Variants in THPO observed in about 807,000 individuals in gnomAD.
THPO encodes the protein thrombopoietin, also known as MPL ligand.
In THPO, 12 loss-of-function variants were observed where a neutral mutation model predicts 17.0. The ratio of observed to expected loss-of-function variants is 0.71; its 90% CI spans 0.45 to 1.14. The LOEUF is 1.14. Among genes scored for constraint, THPO ranks in the 50% most tolerant of loss-of-function variants. The pLI is 0.00. For missense variants in THPO, 365 were observed against 427.5 expected, an observed-to-expected ratio of 0.85 and a Z score of 1.29; for synonymous variants, 188 against 183.0, an observed-to-expected ratio of 1.03 and a Z score of -0.22.
At position 184,373,023 on chromosome 3, in the gene THPO, G is replaced by T; in HGVS notation, c.552C>A (p.Ser184Arg). The part of the protein sequence containing the change: ...RRAPPTTAVP[S>R]RTSLVLTLNE... ...TCAGTGTGAGGACTAGAGAGGTTCT[G>T]CTGGGGACAGCTGTGGTGGGTGGGG... Residue 184 changes from serine to arginine, a missense_variant, in exon 6 of 6, where the codon AGC becomes AGA. Ser to Arg is a moderately radical substitution (Grantham distance 110, BLOSUM62 -1). Transcript: ENST00000647395. 6.2e-7 allele frequency: 1 copy of T among 1,614,148 alleles called. No homozygotes were observed. The highest frequency in any genetic ancestry group is 8.5e-7 in the Non-Finnish European group (1 of 1,180,036).
chr3:184,373,322 A>C, intron 5 of THPO, 93 bp downstream of exon 5: 1 of 1,574,048 alleles, frequency 6.4e-7, no homozygotes, highest in Non-Finnish European at 8.7e-7. Context: ...TCTGCCCTTG[A>C]GCTCCCTGGA....
At position 184,372,389 on chromosome 3, in the gene THPO, C is replaced by T; in HGVS notation, c.*124G>A. 8.1e-7 allele frequency: 1 copy of T among 1,230,330 alleles called. No individual in the cohort carries two copies. 76.2% of individuals were successfully genotyped at this position (1,230,330 alleles called of 1,614,324 possible). A position where few individuals can be genotyped will look rare whatever the true frequency, so the allele number is the denominator to read the frequency against. ...ATTCCCTTTTCAGTCCTGTGTATCC[C>T]TTTTACCAGGGCTTTGGGTTTCAGG... On this transcript the variant is annotated 3_prime_UTR_variant, in exon 6 of 6. Coordinates refer to ENST00000647395, the MANE Select transcript of THPO (RefSeq NM_000460.4).
chr3:184,375,676 T>A, intron 3 of THPO, 75 bp from the exon 4 acceptor site: 2 of 1,520,610 alleles, frequency 1.3e-6, no homozygotes, highest in South Asian at 2.2e-5. Context: ...AGCAGGCTAG[T>A]CCTCCATGAG....
intron 1 of THPO, among the ~76,000 whole-genome samples, chr3:184,376,854 A>AAAAAAGAAAG (rs1553862295): frequency 1.3e-5 from 2 of 150,616 alleles, no homozygotes; most frequent in African/African-American, 2.5e-5. Flanking sequence ...TCAAAAAAAA[A>AAAAAAGAAAG]AAAGAAAGAA....
rs779419597 is a variant in THPO at position 184,372,712 on chromosome 3, A to G, written c.863T>C (p.Leu288Pro). The change falls in exon 6 of 6, where the codon CTC (leucine) becomes CCC (proline). Residue 288 changes from leucine to proline, a missense_variant. Coordinates refer to ENST00000647395, the MANE Select transcript of THPO (RefSeq NM_000460.4). The part of the protein sequence containing the change: ...TSDTGSLPPN[L>P]QPGYSPSPTH... The stretch of plus-strand genomic sequence containing the variant: ...TGGGGAAGGAGAATATCCAGGCTGG[A>G]GGTTGGGTGGCAGGGAGCCTGTGTC... The G allele has an allele frequency of 1.9e-6, 3 of 1,613,430 alleles. No homozygotes were observed. Among genetic ancestry groups the G allele is most frequent in the Non-Finnish European group, 2.5e-6 (3 of 1,179,566 alleles).
At chr3:184,374,663 G>C (rs1176630741) in intron 4 of THPO, among the ~76,000 whole-genome samples, 1 of 152,198 alleles carries the variant, frequency 6.6e-6, no homozygotes, top group East Asian at 1.9e-4. Flanking sequence ...GGTAAGTTTG[G>C]GGGCAATTTA....
chr3:184,373,431 C>T lies in THPO; in HGVS notation c.380G>A (p.Ser127Asn), dbSNP rs755952193. The T allele has an allele frequency of 1.2e-5, 19 of 1,613,936 alleles. No individual in the cohort carries two copies. In the East Asian group the frequency reaches 3.3e-4, roughly 28 times the overall value. Residue 127 changes from serine to asparagine, a missense_variant, in exon 5 of 6, where the codon AGC becomes AAC. Transcript: ENST00000647395. ...QVRLLLGALQ[S>N]LLGTQLPPQG... ...GGGACTTACCTGGGTTCCAAGGAGG[C>T]TCTGCAGGGCCCCAAGGAGGAGACG...
intron 1 of THPO, among the ~76,000 whole-genome samples, chr3:184,376,856 AAGAAAG>A (rs780732739): frequency 1.2e-4 from 14 of 121,570 alleles, no homozygotes; most frequent in Middle Eastern, 4.9e-3. Context: ...AAAAAAAAAA[AAGAAAG>A]AAAGAAAGAA....
At chr3:184,378,970 C>T (rs1343427768), upstream of THPO, 9 of 601,824 alleles carry the variant, frequency 1.5e-5, no homozygotes, top group Non-Finnish European at 1.7e-5. Context: ...CCCCCTTTTC[C>T]TTTGGCCCTG....
Position 184,372,707 on chromosome 3 carries a change from G to A in THPO, c.868C>T (p.Pro290Ser). 8 of 1,613,722 alleles carry A rather than the reference G, an allele frequency of 5.0e-6. No homozygotes were observed. The highest frequency in any genetic ancestry group is 6.8e-6 in the Non-Finnish European group (8 of 1,179,672). The change falls in exon 6 of 6, where the codon CCT (proline) becomes TCT (serine). Residue 290 changes from proline (P) to serine (S), a missense_variant. By Grantham distance (74) the Pro-to-Ser change is moderately conservative. Transcript: ENST00000647395. ...DTGSLPPNLQ[P>S]GYSPSPTHPP... ...TGGGTTGGGGAAGGAGAATATCCAG[G>A]CTGGAGGTTGGGTGGCAGGGAGCCT...
Position 184,372,996 on chromosome 3 carries a change from G to A in THPO, c.579C>T (p.Asn193=), listed in dbSNP as rs202166253. The change falls in exon 6 of 6, where the codon AAC becomes AAT. Residue 193 remains asparagine (N), a synonymous_variant. Transcript: ENST00000647395. ...ATCCAGAAGTCCTGTTTGGGAGCTC[G>A]TTCAGTGTGAGGACTAGAGAGGTTC... is the stretch of plus-strand genomic sequence containing the variant. ...PSRTSLVLTL[N]ELPNRTSGLL... is the part of the protein sequence containing the mutation. 5.8e-5 allele frequency: 93 copies of A among 1,614,150 alleles called. No individual in the cohort carries two copies. In the Admixed American group the frequency reaches 6.2e-4, roughly 11 times the overall value.
At chr3:184,377,972 G>A (rs1395413823) in intron 1 of THPO, 103 bp downstream of exon 1, 6 of 841,612 alleles carry the variant, frequency 7.1e-6, no homozygotes, top group Admixed American at 6.2e-5. Context: ...AAAGGTCAGT[G>A]CCTGTAGGTT....
At chr3:184,376,169 C>T (rs370530428) in intron 2 of THPO, 78 bp downstream of exon 2, 2 of 1,613,168 alleles carry the variant, frequency 1.2e-6, no homozygotes, top group African/African-American at 1.3e-5. Context: ...AGCTTCCTGC[C>T]CCCTGCAGCG....
upstream of THPO, chr3:184,378,738 G>A (rs1362791798): frequency 8.5e-6 from 8 of 941,832 alleles, no homozygotes; most frequent in Non-Finnish European, 8.9e-6. Flanking sequence ...GCGCACACGT[G>A]CACTGGGTTA....
At chr3:184,376,826 TAA>T (rs997975572) in intron 1 of THPO, among the ~76,000 whole-genome samples, 1 of 136,386 alleles carries the variant, frequency 7.3e-6, no homozygotes, top group African/African-American at 2.9e-5. Context: ...GCCTGGGCAA[TAA>T]GAGTGAAACT....
Position 184,375,558 on chromosome 3 carries a change from A to G in THPO, c.185T>C (p.Leu62Pro). 6.2e-7 allele frequency: 1 copy of G among 1,614,232 alleles called. No individual in the cohort carries two copies. Among genetic ancestry groups the G allele is most frequent in the Non-Finnish European group, 8.5e-7 (1 of 1,180,048 alleles). The change falls in exon 4 of 6, where the codon CTG becomes CCG. Residue 62 changes from leucine to proline, a missense_variant. Coordinates refer to ENST00000647395, the MANE Select transcript of THPO (RefSeq NM_000460.4). ...TCCCAAGCTAAAGTCCACAGCAGGC[A>G]GCAGGACAGGTGTAGGCAAAGGGTG... ...EVHPLPTPVL[L>P]PAVDFSLGEW...
At chr3:184,378,781 CAGTGGCTT>C (rs1166741017), upstream of THPO, 80 of 985,064 alleles carry the variant, frequency 8.1e-5, no homozygotes, top group Non-Finnish European at 9.5e-5. Flanking sequence ...TGCTGGGGTC[CAGTGGCTT>C]AGATGGCTAC....
chr3:184,373,761 C>T (rs1714163255), intron 4 of THPO, among the ~76,000 whole-genome samples, 179 bp from the exon 5 acceptor site: 1 of 152,220 alleles, frequency 6.6e-6, no homozygotes, highest in African/African-American at 2.4e-5. Flanking sequence ...TCAGCCTCTG[C>T]TTCAAAAACT....
At chr3:184,379,635 G>C (rs994164837), upstream of THPO, among the ~76,000 whole-genome samples, 5 of 152,050 alleles carry the variant, frequency 3.3e-5, no homozygotes, top group Non-Finnish European at 7.4e-5. Flanking sequence ...TTCATCCTTC[G>C]GGCGGAACCG....
Sources: allele counts gnomAD v4.1 joint callset (sites outside exome capture counted in the v4.1 genomes callset), GRCh38; gene constraint gnomAD v4.1.1; transcripts MANE v1.5; gene names NCBI Gene and HGNC (gene_info 2026-07-23, HGNC 2026-07-21).